Variants in LHPP observed in about 807,000 individuals in gnomAD.
The protein encoded by LHPP is phospholysine phosphohistidine inorganic pyrophosphate phosphatase.
LHPP carries 24 observed loss-of-function variants against 30.3 expected under a neutral mutation model. That is an observed-to-expected ratio of 0.79 (90% CI 0.57 to 1.11). The LOEUF is 1.11. Ranked by LOEUF, LHPP falls within the 50% of genes most tolerant of loss-of-function variation. The pLI is 0.00. For synonymous variants in LHPP, 150 were observed against 157.1 expected, an observed-to-expected ratio of 0.95 and a Z score of 0.34; for missense variants, 356 against 367.2, an observed-to-expected ratio of 0.97 and a Z score of 0.25.
chr10:124,567,176 G>C (rs1420814672), intron 6 of LHPP, among the ~76,000 whole-genome samples: 1 of 152,222 alleles, frequency 6.6e-6, no homozygotes, highest in Non-Finnish European at 1.5e-5. Context: ...CCTTCATCCA[G>C]ACCTCTGCTG....
chr10:124,534,431 T>G (rs1954972988), intron 6 of LHPP, among the ~76,000 whole-genome samples: 1 of 152,236 alleles, frequency 6.6e-6, no homozygotes, highest in Non-Finnish European at 1.5e-5. Context: ...CGAGGACGGC[T>G]TAGACGGGAG....
At chr10:124,610,813 T>C (rs1441327845) in intron 6 of LHPP, among the ~76,000 whole-genome samples, 3 of 60,116 alleles carry the variant, frequency 5.0e-5, no homozygotes, top group Non-Finnish European at 1.1e-4. Context: ...AGGGTGCTGA[T>C]GGAGCGGGTG....
intron 1 of LHPP, among the ~76,000 whole-genome samples, chr10:124,476,224 G>A (rs544248044): frequency 3.9e-5 from 6 of 152,256 alleles, no homozygotes; most frequent in Admixed American, 1.3e-4. Context: ...CAGCTCCTGC[G>A]TCACTGTGTC....
chr10:124,554,491 C>T (rs1377137878), intron 6 of LHPP, among the ~76,000 whole-genome samples: 3 of 152,252 alleles, frequency 2.0e-5, no homozygotes, highest in East Asian at 1.9e-4. Flanking sequence ...CCACTACACC[C>T]GGCCTGGACT....
intron 6 of LHPP, among the ~76,000 whole-genome samples, chr10:124,610,032 G>T (rs1429713295): frequency 6.6e-6 from 1 of 152,214 alleles, no homozygotes; most frequent in Non-Finnish European, 1.5e-5. Flanking sequence ...GGGACTGCAG[G>T]GTTGCAAGTG....
chr10:124,482,429 TTAATTTTAC>T (rs1186184230), intron 1 of LHPP, among the ~76,000 whole-genome samples: 2 of 152,200 alleles, frequency 1.3e-5, no homozygotes, highest in African/African-American at 4.8e-5. Flanking sequence ...GCATGGCTGA[TTAATTTTAC>T]TAGGGTTTCT....
At chr10:124,463,290 A>G (rs1952458601) in intron 1 of LHPP, among the ~76,000 whole-genome samples, 1 of 151,912 alleles carries the variant, frequency 6.6e-6, no homozygotes, top group African/African-American at 2.4e-5. Context: ...TCTCATTATA[A>G]TTCTGTTGGA....
chr10:124,524,848 T>C (rs1954694249), intron 6 of LHPP, among the ~76,000 whole-genome samples: 1 of 152,208 alleles, frequency 6.6e-6, no homozygotes, highest in Admixed American at 6.5e-5. Context: ...AAGAAATTTT[T>C]TTAAATTGTG....
At chr10:124,518,982 C>T (rs543896664) in intron 6 of LHPP, among the ~76,000 whole-genome samples, 1 of 152,300 alleles carries the variant, frequency 6.6e-6, no homozygotes, top group Admixed American at 6.5e-5. Flanking sequence ...CTCCCTCTGT[C>T]GCCCAGGCTG....
At chr10:124,470,508 G>A (rs540893101) in intron 1 of LHPP, among the ~76,000 whole-genome samples, 97 of 152,224 alleles carry the variant, frequency 6.4e-4, no homozygotes, top group African/African-American at 2.3e-3. Flanking sequence ...CTCCTAGTAG[G>A]TCTGGAACAG....
chr10:124,489,603 C>T (rs917796140), intron 3 of LHPP, among the ~76,000 whole-genome samples: 2 of 152,052 alleles, frequency 1.3e-5, no homozygotes, highest in South Asian at 2.1e-4. Context: ...TACAGGCGCC[C>T]GCCACCATCC....
intron 2 of LHPP, among the ~76,000 whole-genome samples, chr10:124,486,291 A>G (rs2133852451): frequency 6.6e-6 from 1 of 152,194 alleles, no homozygotes; most frequent in Middle Eastern, 3.4e-3. Flanking sequence ...CTTAGAGGCA[A>G]CCACTGTTTG....
Position 124,587,324 on chromosome 10 carries a change from C to G in LHPP, c.717-25940C>G, listed in dbSNP as rs148356982. ...TGCTGGGATTGCAAGCATAAGCCACCGCGCCCGGCCTCCACTTTCTGTGGT... is the reference window on the plus strand; with the variant it reads ...TGCTGGGATTGCAAGCATAAGCCACGGCGCCCGGCCTCCACTTTCTGTGGT... On this transcript the variant is annotated intron_variant, in intron 6 of 6. Coordinates refer to ENST00000368842, the MANE Select transcript of LHPP (RefSeq NM_022126.4). Among the ~76,000 whole-genome samples, 89 of 152,088 alleles carry G rather than the reference C, an allele frequency of 5.9e-4. 1 individual carries two copies. In the East Asian group the frequency reaches 0.017, roughly 28 times the overall value.
At chr10:124,585,189 C>T (rs944432114) in intron 6 of LHPP, among the ~76,000 whole-genome samples, 1 of 152,182 alleles carries the variant, frequency 6.6e-6, no homozygotes, top group Non-Finnish European at 1.5e-5. Flanking sequence ...TAATATAATA[C>T]AAACAATATA....
chr10:124,588,178 C>T (rs573213945), intron 6 of LHPP, among the ~76,000 whole-genome samples: 1 of 152,388 alleles, frequency 6.6e-6, no homozygotes, highest in African/African-American at 2.4e-5. Context: ...GAGGTGGCCA[C>T]AGGCACAACA....
At position 124,584,377 on chromosome 10, in the gene LHPP, A is replaced by G. The variant is rs561667217; in HGVS notation, c.717-28887A>G. Among the ~76,000 whole-genome samples, 580 of 152,050 alleles carry G rather than the reference A, an allele frequency of 3.8e-3. 1 individual carries two copies. Among genetic ancestry groups the G allele is most frequent in the Middle Eastern group, 0.014 (4 of 294 alleles). ...AGACTCTGTCTCAAAAAAAAAAAAA[A>G]AAAGAAAAAGAACAGCAATTTATTT... On this transcript the variant is annotated intron_variant, in intron 6 of 6. Transcript: ENST00000368842.
intron 6 of LHPP, among the ~76,000 whole-genome samples, chr10:124,609,577 T>C (rs2134020431): frequency 6.6e-6 from 1 of 152,286 alleles, no homozygotes; most frequent in Admixed American, 6.5e-5. Context: ...TTTTGAGGTA[T>C]AACATTAGTA....
chr10:124,498,547 C>T, intron 5 of LHPP: 1 of 1,285,042 alleles, frequency 7.8e-7, no homozygotes. Context: ...GATTGCCTTT[C>T]AAACTTCCAA....
At chr10:124,609,527 A>G (rs1459826338) in intron 6 of LHPP, among the ~76,000 whole-genome samples, 1 of 152,246 alleles carries the variant, frequency 6.6e-6, no homozygotes, top group Non-Finnish European at 1.5e-5. Flanking sequence ...GACAGGCGTG[A>G]GCTACCACGC....
Sources: gnomAD v4.1 joint callset for allele counts (sites outside exome capture counted in the v4.1 genomes callset) on GRCh38, gnomAD v4.1.1 for gene constraint, MANE v1.5 for transcripts, NCBI Gene and HGNC (gene_info 2026-07-23, HGNC 2026-07-21) for gene names.